S100A8: variants seen among roughly 807,000 people sequenced by gnomAD.
The protein encoded by S100A8 is S100 calcium binding protein A8.
Under a neutral mutation model 4.2 loss-of-function variants are expected in S100A8, and 1 was observed. The ratio of observed to expected loss-of-function variants is 0.24; its 90% CI spans 0.08 to 1.12. S100A8 has a LOEUF of 1.12. Among genes scored for constraint, S100A8 ranks in the 50% most tolerant of loss-of-function variants. The pLI, the probability that S100A8 is intolerant of heterozygous loss-of-function variation, is 0.53. For synonymous variants in S100A8, 41 were observed against 44.7 expected (o/e 0.92, Z 0.33); for missense variants, 96 against 111.8 (o/e 0.86, Z 0.64).
At chr1:153,400,689 T>C in the S100A8 span, among the ~76,000 whole-genome samples, 1 of 152,166 alleles carries the variant, frequency 6.6e-6, no homozygotes, top group Non-Finnish European at 1.5e-5. Context: ...ACTAAAAACA[T>C]GGCTTGAATT....
chr1:153,416,563 G>A, the S100A8 span: 4 of 485,238 alleles, frequency 8.2e-6, no homozygotes, highest in East Asian at 1.2e-4. Context: ...TCCCAGTTCT[G>A]GTAAGTCTCA....
chr1:153,396,312 T>A, the S100A8 span, among the ~76,000 whole-genome samples: 2 of 152,282 alleles, frequency 1.3e-5, no homozygotes, highest in Admixed American at 1.3e-4. Flanking sequence ...ATTTCGTTGA[T>A]CTAAAATGGA....
chr1:153,390,404 C>A lies in S100A8; in HGVS notation c.132G>T (p.Gln44His). The A allele has an allele frequency of 6.2e-7, 1 of 1,614,152 alleles. No homozygotes were observed. Among genetic ancestry groups the A allele is most frequent in the South Asian group, 1.1e-5 (1 of 91,090 alleles). Residue 44 changes from glutamine (Q) to histidine (H), a missense_variant, in exon 2 of 3, where the codon CAG becomes CAT. Transcript: ENST00000368733. ...CCCAGCCCCTCCTCACCCTGATATA[C>A]TGAGGACACTCGGTCTCTAGCAATT... is the stretch of plus-strand genomic sequence containing the variant. Reference protein sequence around the residue: ...LKKLLETECPQYIRKKGADVW... With the variant: ...LKKLLETECPHYIRKKGADVW...
chr1:153,401,087 A>G, the S100A8 span, among the ~76,000 whole-genome samples: 2 of 152,240 alleles, frequency 1.3e-5, no homozygotes, highest in Non-Finnish European at 2.9e-5. Flanking sequence ...TCCCTTGCAC[A>G]GCTGCGCTGT....
At chr1:153,392,847 T>C (rs117703272), upstream of S100A8, among the ~76,000 whole-genome samples, 58 of 152,272 alleles carry the variant, frequency 3.8e-4, no homozygotes, top group East Asian at 7.5e-3. Flanking sequence ...ATGTGAGCCA[T>C]TGGGGACCCA....
the S100A8 span, among the ~76,000 whole-genome samples, chr1:153,406,167 C>T: frequency 1.1e-4 from 16 of 152,232 alleles, no homozygotes; most frequent in South Asian, 4.2e-4. Flanking sequence ...TTCCAAATTC[C>T]CACACACTTT....
the S100A8 span, chr1:153,421,558 C>A: frequency 1.3e-5 from 2 of 152,206 alleles, no homozygotes; most frequent in African/African-American, 2.4e-5. Context: ...AATCCAAAAA[C>A]TTCCAGTCCT....
chr1:153,418,558 A>C, the S100A8 span, among the ~76,000 whole-genome samples: 1 of 152,138 alleles, frequency 6.6e-6, no homozygotes, highest in Non-Finnish European at 1.5e-5. Context: ...CAAAGGCCCC[A>C]CATCAACATC....
the S100A8 span, chr1:153,420,833 A>C: frequency 1.3e-5 from 2 of 150,752 alleles, no homozygotes; most frequent in Non-Finnish European, 2.9e-5. Context: ...TTCTCTATGC[A>C]GCCTGCCCTC....
chr1:153,390,357 C>G (rs1662056819), intron 2 of S100A8, 38 bp downstream of exon 2: 1 of 1,610,440 alleles, frequency 6.2e-7, no homozygotes, highest in Non-Finnish European at 8.5e-7. Context: ...GCCCCAGGAC[C>G]AGGCAGAGAG....
At chr1:153,406,478 A>G in the S100A8 span, among the ~76,000 whole-genome samples, 941 of 152,178 alleles carry the variant, frequency 6.2e-3, 10 homozygotes, top group Non-Finnish European at 0.01. Flanking sequence ...TCCTGGGGCC[A>G]GAGCATTGCT....
At chr1:153,390,767 C>G in intron 1 of S100A8, 1 of 628,572 alleles carries the variant, frequency 1.6e-6, no homozygotes, top group Non-Finnish European at 2.6e-6. Flanking sequence ...CACACAGAGA[C>G]ATGTGCACAC....
At chr1:153,421,926 G>A in the S100A8 span, 1 of 152,198 alleles carries the variant, frequency 6.6e-6, no homozygotes, top group Non-Finnish European at 1.5e-5. Context: ...CTTCTCAAGG[G>A]AGCCTTGTCT....
the S100A8 span, among the ~76,000 whole-genome samples, chr1:153,401,840 G>A: frequency 2.6e-5 from 4 of 152,184 alleles, no homozygotes; most frequent in Admixed American, 2.0e-4. Flanking sequence ...TACTTGAGAC[G>A]ATGAATCGGG....
At chr1:153,410,564 G>A in the S100A8 span, among the ~76,000 whole-genome samples, 156 of 152,106 alleles carry the variant, frequency 1.0e-3, no homozygotes, top group Non-Finnish European at 2.1e-3. Context: ...AAGAGGAAAT[G>A]GTACCATTCC....
the S100A8 span, among the ~76,000 whole-genome samples, chr1:153,412,799 C>T: frequency 6.6e-6 from 1 of 152,134 alleles, no homozygotes; most frequent in African/African-American, 2.4e-5. Context: ...GAATACTATG[C>T]AGCCATAAAA....
chr1:153,419,362 C>G, the S100A8 span: 1 of 1,531,148 alleles, frequency 6.5e-7, no homozygotes, highest in Non-Finnish European at 8.9e-7. Context: ...AGTGTCTCCT[C>G]CCACCAGACA....
the S100A8 span, among the ~76,000 whole-genome samples, chr1:153,408,964 G>T: frequency 1.3e-5 from 2 of 152,146 alleles, no homozygotes; most frequent in Non-Finnish European, 2.9e-5. Context: ...CCTTACAAGA[G>T]CTCCTGAAGG....
chr1:153,406,932 G>C, the S100A8 span, among the ~76,000 whole-genome samples: 2 of 152,336 alleles, frequency 1.3e-5, no homozygotes, highest in East Asian at 1.9e-4. Flanking sequence ...CTAAGATTTT[G>C]ATTTTAGCAA....
Sources: allele counts gnomAD v4.1 joint callset (sites outside exome capture counted in the v4.1 genomes callset), GRCh38; gene constraint gnomAD v4.1.1; transcripts MANE v1.5; gene names NCBI Gene and HGNC (gene_info 2026-07-23, HGNC 2026-07-21).